HERC5: variants seen among roughly 807,000 people sequenced by gnomAD.
HERC5 encodes the protein HECT and RLD domain containing E3 ubiquitin protein ligase 5, also known as E3 ISG15--protein ligase HERC5.
A neutral mutation model predicts 119.6 loss-of-function variants in HERC5; 99 were observed. The observed-to-expected ratio is 0.83, with a 90% CI of 0.70 to 0.98. The LOEUF is 0.98. HERC5 is among the 50% of genes least tolerant of loss of function. HERC5 has a pLI of 0.00. For synonymous variants in HERC5, 478 were observed against 445.9 expected (o/e 1.07, Z -0.91); for missense variants, 1,267 against 1,241.3 (o/e 1.02, Z -0.31).
chr4:88,485,227 G>A (rs866051474), intron 13 of HERC5, among the ~76,000 whole-genome samples: 14 of 152,304 alleles, frequency 9.2e-5, no homozygotes, highest in South Asian at 8.3e-4. Context: ...TCCTTTGACC[G>A]TAATAGATAA....
At chr4:88,484,535 A>T (rs1741394445) in intron 13 of HERC5, among the ~76,000 whole-genome samples, 1 of 152,202 alleles carries the variant, frequency 6.6e-6, no homozygotes, top group Admixed American at 6.5e-5. Flanking sequence ...GTAATTACAG[A>T]TCCTATAGGG....
chr4:88,494,091 A>G (rs1741732658), intron 17 of HERC5, 74 bp from the exon 18 acceptor site: 1 of 901,850 alleles, frequency 1.1e-6, no homozygotes, highest in South Asian at 2.1e-5. Context: ...AGAAACAAAG[A>G]TTTATTTAAT....
intron 11 of HERC5, among the ~76,000 whole-genome samples, chr4:88,475,401 C>A (rs1175658661): frequency 6.7e-6 from 1 of 149,772 alleles, no homozygotes; most frequent in Non-Finnish European, 1.5e-5. Context: ...TCACTGCAAC[C>A]TCTGCCTCCC....
intron 13 of HERC5, among the ~76,000 whole-genome samples, chr4:88,484,840 C>T (rs1476681932): frequency 1.3e-5 from 2 of 152,156 alleles, no homozygotes; most frequent in African/African-American, 4.8e-5. Flanking sequence ...AAGGCAAATG[C>T]CACTTTCATT....
At position 88,504,302 on chromosome 4, in the gene HERC5, C is replaced by G. The variant is rs754231341; in HGVS notation, c.2653C>G (p.Arg885Gly). The G allele has an allele frequency of 6.2e-6, 10 of 1,612,272 alleles. No individual in the cohort carries two copies. Among genetic ancestry groups the G allele is most frequent in the Non-Finnish European group, 8.5e-6 (10 of 1,178,650 alleles). Residue 885 changes from arginine to glycine, a missense_variant, in exon 21 of 23, where the codon CGG becomes GGG. Physicochemically the swap from Arg to Gly is moderately radical, Grantham distance 125. Coordinates refer to ENST00000264350, the MANE Select transcript of HERC5 (RefSeq NM_016323.4). ...DSVKAVYEEFRRGFYKMCDED... is the reference protein window; with the variant it reads ...DSVKAVYEEFGRGFYKMCDED... The stretch of plus-strand genomic sequence containing the variant: ...TGTAAAGGCGGTTTATGAAGAATTT[C>G]GGAGAGGATTTTATAAAATGTGCGA...
chr4:88,472,063 A>G (rs1436613635), intron 10 of HERC5, among the ~76,000 whole-genome samples: 1 of 150,454 alleles, frequency 6.6e-6, no homozygotes, highest in African/African-American at 2.5e-5. Flanking sequence ...TGGCATGTTC[A>G]CAACTCACTG....
chr4:88,476,914 C>T (rs1300182085), intron 12 of HERC5, among the ~76,000 whole-genome samples: 5 of 149,590 alleles, frequency 3.3e-5, no homozygotes, highest in Non-Finnish European at 7.4e-5. Context: ...AGTGAGACTC[C>T]GTCCCAAAAA....
chr4:88,479,478 C>T lies in HERC5; in HGVS notation c.1708C>T (p.Leu570Phe), dbSNP rs1272549050. Residue 570 changes from leucine to phenylalanine, a missense_variant, in exon 13 of 23, where the codon CTC (leucine) becomes TTC (phenylalanine). Leu to Phe is a conservative substitution (Grantham distance 22). Around this residue, in one of 3 missense-constraint regions of HERC5, gnomAD observed 777 missense variants for 758.0 expected, o/e 1.03. Transcript: ENST00000264350. ...TGAGGAGAATGGTAATGTTCAAGCT[C>T]TCCTAGAAATGTTGAAGAAGCTGCA... ...SAEENGNVQA[L>F]LEMLKKLHRV... The T allele has an allele frequency of 6.2e-7, 1 of 1,606,622 alleles. No individual in the cohort carries two copies. The highest frequency in any genetic ancestry group is 1.1e-5 in the South Asian group (1 of 89,252).
In HERC5 at chr4:88,466,985, A is replaced by C. The variant is rs1328685710; in HGVS notation, c.912-74A>C. ...TCTCACTGGGTAACATAGTTTTGGC[A>C]ATTTACTGTATTGCTAAACACTCTC... On this transcript the variant is annotated intron_variant, in intron 6 of 22. Transcript: ENST00000264350. 6 of 1,467,182 alleles carry C rather than the reference A, an allele frequency of 4.1e-6. No homozygotes were observed. In the Admixed American group the frequency reaches 1.1e-4, roughly 26 times the overall value. The allele number at this position is 1,467,182 out of a possible 1,614,324, so 90.9% of individuals were successfully genotyped here.
intron 15 of HERC5, among the ~76,000 whole-genome samples, chr4:88,487,817 G>A (rs1451297210): frequency 2.6e-5 from 4 of 152,146 alleles, no homozygotes; most frequent in East Asian, 1.9e-4. Context: ...CCAAGGAATT[G>A]TATCAGATAA....
chr4:88,471,992 T>C (rs1740889002), intron 10 of HERC5, among the ~76,000 whole-genome samples: 1 of 150,558 alleles, frequency 6.6e-6, no homozygotes, highest in African/African-American at 2.4e-5. Context: ...TTTCTTTTCT[T>C]TTTTTCTTTC....
At chr4:88,489,655 G>T (rs1741571537) in intron 16 of HERC5, among the ~76,000 whole-genome samples, 1 of 152,096 alleles carries the variant, frequency 6.6e-6, no homozygotes, top group African/African-American at 2.4e-5. Context: ...ACCCTTGAAG[G>T]GTTTCAATGA....
At position 88,501,801 on chromosome 4, in the gene HERC5, A is replaced by AT. The variant is rs372886038; in HGVS notation, c.2582+826dup. On this transcript the variant is annotated intron_variant, in intron 20 of 22. Transcript: ENST00000264350. The stretch of plus-strand genomic sequence containing the variant: ...ATATCACAGTTTATTTATCTGTAGA[A>AT]TTTTTTTTTTCTTTTGAGATGGCAC... Among the ~76,000 whole-genome samples, 289 of 150,578 alleles carry AT rather than the reference A, an allele frequency of 1.9e-3. 2 individuals carry two copies. Among genetic ancestry groups the AT allele is most frequent in the African/African-American group, 4.8e-3 (199 of 41,104 alleles).
intron 16 of HERC5, among the ~76,000 whole-genome samples, chr4:88,489,979 G>A (rs1273935580): frequency 1.3e-5 from 2 of 151,980 alleles, no homozygotes; most frequent in Non-Finnish European, 2.9e-5. Flanking sequence ...ACTGCATTCC[G>A]GCCTGGGTGA....
At chr4:88,467,989 C>A in intron 7 of HERC5, 1 of 527,076 alleles carries the variant, frequency 1.9e-6, no homozygotes, top group Non-Finnish European at 2.4e-6. Context: ...TACTTATATT[C>A]TTTATAGCCA....
intron 18 of HERC5, among the ~76,000 whole-genome samples, chr4:88,498,652 C>A (rs1741866328): frequency 6.6e-6 from 1 of 152,154 alleles, no homozygotes; most frequent in African/African-American, 2.4e-5. Context: ...CTCACTGCAA[C>A]CTCCACCTCC....
chr4:88,467,055 A>C lies in HERC5; in HGVS notation c.912-4A>C, dbSNP rs1454253922. The C allele has an allele frequency of 2.5e-6, 4 of 1,613,832 alleles. No individual in the cohort carries two copies. Among genetic ancestry groups the C allele is most frequent in the Middle Eastern group, 1.6e-4 (1 of 6,062 alleles). On this transcript the variant is annotated splice_region_variant and splice_polypyrimidine_tract_variant and intron_variant, in intron 6 of 22. Coordinates refer to ENST00000264350, the MANE Select transcript of HERC5 (RefSeq NM_016323.4). ...AATTGACCATATGTGCTTTTATTTAATAGGTGGCACACACTTGCCTATGTT... is the reference window on the plus strand; with the variant it reads ...AATTGACCATATGTGCTTTTATTTACTAGGTGGCACACACTTGCCTATGTT...
At position 88,489,288 on chromosome 4, in the gene HERC5, G is replaced by C; in HGVS notation, c.2085G>C (p.Leu695Phe). The C allele has an allele frequency of 1.2e-6, 2 of 1,613,944 alleles. No homozygotes were observed. Among genetic ancestry groups the C allele is most frequent in the East Asian group, 2.2e-5 (1 of 44,886 alleles). The change falls in exon 16 of 23, where the codon TTG becomes TTC. Residue 695 changes from leucine (L) to phenylalanine (F), a missense_variant. Leu to Phe is a conservative substitution (Grantham distance 22). Transcript: ENST00000264350. The part of the protein sequence containing the change: ...VRRNHLIEDV[L>F]NQLSQFENED... ...GGAATCACTTGATTGAGGATGTTTT[G>C]AATCAGCTAAGTCAATTTGAGAATG...
chr4:88,463,785 C>A lies in HERC5; in HGVS notation c.781-70C>A. 3.2e-6 allele frequency: 5 copies of A among 1,548,654 alleles called. No homozygotes were observed. In the South Asian group the frequency reaches 5.7e-5, roughly 18 times the overall value. ...GACAGTGCTATTTATTAGTGATTCA[C>A]TTTGCATCAGTGAATACTACTTTTT... is the stretch of plus-strand genomic sequence containing the variant. On this transcript the variant is annotated intron_variant, in intron 5 of 22. Transcript: ENST00000264350.
Sources: allele counts gnomAD v4.1 joint callset (sites outside exome capture counted in the v4.1 genomes callset), GRCh38; gene constraint gnomAD v4.1.1; regional missense constraint gnomAD v4.1.1; transcripts MANE v1.5; gene names NCBI Gene and HGNC (gene_info 2026-07-23, HGNC 2026-07-21).